DLG2: variants seen among roughly 807,000 people sequenced by gnomAD.
DLG2 encodes discs large MAGUK scaffold protein 2.
In DLG2, 45 loss-of-function variants were observed where a neutral mutation model predicts 132.5. The ratio of observed to expected loss-of-function variants is 0.34; its 90% CI spans 0.27 to 0.44. The LOEUF (loss-of-function observed/expected upper bound fraction) is 0.44. DLG2 is among the 20% of genes least tolerant of loss of function. The pLI, the probability that DLG2 is intolerant of heterozygous loss-of-function variation, is 1.00. For missense variants in DLG2, 1,045 were observed against 1,196.9 expected, an observed-to-expected ratio of 0.87 and a Z score of 1.87; for synonymous variants, 424 against 419.6, an observed-to-expected ratio of 1.01 and a Z score of -0.13.
At chr11:84,525,436 T>C (rs1565191885) in intron 7 of DLG2, among the ~76,000 whole-genome samples, 2 of 152,180 alleles carry the variant, frequency 1.3e-5, no homozygotes, top group Non-Finnish European at 2.9e-5. Flanking sequence ...TATTTCTCTC[T>C]CTTTTCTACC....
chr11:84,368,637 C>T (rs528114589), intron 7 of DLG2, among the ~76,000 whole-genome samples: 8 of 152,138 alleles, frequency 5.3e-5, no homozygotes, highest in East Asian at 3.9e-4. Context: ...TTATTAGTGG[C>T]AATGTAACAC....
At chr11:85,590,651 CTA>C (rs67069486) in intron 3 of DLG2, among the ~76,000 whole-genome samples, 33 of 148,728 alleles carry the variant, frequency 2.2e-4, no homozygotes, top group Admixed American at 4.0e-4. Flanking sequence ...CTCTCTCTCT[CTA>C]TATATATATA....
intron 8 of DLG2, among the ~76,000 whole-genome samples, chr11:84,184,495 A>G (rs12795782): frequency 7.9e-5 from 12 of 151,882 alleles, no homozygotes; most frequent in African/African-American, 2.2e-4. Context: ...AGTAGATTGC[A>G]AAAATTTTCT....
At chr11:83,602,844 T>G (rs1190968766) in intron 19 of DLG2, among the ~76,000 whole-genome samples, 1 of 151,910 alleles carries the variant, frequency 6.6e-6, no homozygotes. Context: ...TTATTCCAAT[T>G]TTACTTATTT....
intron 7 of DLG2, among the ~76,000 whole-genome samples, chr11:84,461,458 TTC>T (rs2099079974): frequency 6.6e-6 from 1 of 151,022 alleles, no homozygotes; most frequent in Non-Finnish European, 1.5e-5. Flanking sequence ...GAAAAATATG[TTC>T]TTTTTAAAAA....
intron 6 of DLG2, among the ~76,000 whole-genome samples, chr11:85,103,050 T>C (rs897705067): frequency 8.6e-5 from 13 of 152,020 alleles, no homozygotes; most frequent in African/African-American, 2.9e-4. Flanking sequence ...TATTTTGGAA[T>C]AAATTTAGCA....
intron 18 of DLG2, among the ~76,000 whole-genome samples, chr11:83,656,022 G>T (rs544327692): frequency 6.6e-6 from 1 of 152,310 alleles, no homozygotes; most frequent in South Asian, 2.1e-4. Context: ...GTGCCACAAA[G>T]GCACCCTGGT....
chr11:84,207,059 A>C (rs1597410579), intron 8 of DLG2, among the ~76,000 whole-genome samples: 1 of 145,512 alleles, frequency 6.9e-6, no homozygotes, highest in Non-Finnish European at 1.5e-5. Context: ...ATAAGAATAA[A>C]TCTCTCTCTC....
intron 3 of DLG2, among the ~76,000 whole-genome samples, chr11:85,388,563 A>G (rs2086539575): frequency 6.6e-6 from 1 of 152,138 alleles, no homozygotes; most frequent in Non-Finnish European, 1.5e-5. Context: ...GCACTTAAAA[A>G]AGACACAAGC....
chr11:85,175,991 A>G (rs1261641764), intron 4 of DLG2, among the ~76,000 whole-genome samples: 1 of 152,230 alleles, frequency 6.6e-6, no homozygotes, highest in East Asian at 1.9e-4. Flanking sequence ...AAAACATTCC[A>G]TGCTCATGGA....
chr11:83,724,793 C>T, intron 18 of DLG2: 1 of 700,326 alleles, frequency 1.4e-6, no homozygotes, highest in Non-Finnish European at 2.6e-6. Context: ...ATTTTACTGG[C>T]CACACCTCCC....
At chr11:83,915,394 T>C (rs2076758224) in intron 15 of DLG2, among the ~76,000 whole-genome samples, 1 of 152,140 alleles carries the variant, frequency 6.6e-6, no homozygotes, top group South Asian at 2.1e-4. Flanking sequence ...TAGGTTGAAA[T>C]CTCAGCTCTG....
intron 3 of DLG2, among the ~76,000 whole-genome samples, chr11:85,482,738 A>G (rs1460117426): frequency 1.3e-5 from 2 of 151,914 alleles, no homozygotes; most frequent in African/African-American, 4.8e-5. Flanking sequence ...CATGGACCCC[A>G]GCATCAGGCT....
At chr11:83,791,934 C>A (rs543653557) in intron 17 of DLG2, among the ~76,000 whole-genome samples, 25 of 152,294 alleles carry the variant, frequency 1.6e-4, no homozygotes, top group Middle Eastern at 3.4e-3. Flanking sequence ...ATTTCTCTTG[C>A]TCTCCTTACA....
intron 7 of DLG2, among the ~76,000 whole-genome samples, chr11:84,452,570 A>T (rs2099054605): frequency 6.6e-6 from 1 of 151,808 alleles, no homozygotes; most frequent in Non-Finnish European, 1.5e-5. Context: ...GAAAATTTTT[A>T]AAAAGTGGTT....
chr11:83,752,442 C>G (rs1440292004), intron 18 of DLG2, among the ~76,000 whole-genome samples: 1 of 152,074 alleles, frequency 6.6e-6, no homozygotes, highest in Non-Finnish European at 1.5e-5. Context: ...TCAAGTACTT[C>G]TAGGAGAAAG....
At chr11:83,682,997 C>T (rs1045667647) in intron 18 of DLG2, among the ~76,000 whole-genome samples, 2 of 152,112 alleles carry the variant, frequency 1.3e-5, no homozygotes, top group African/African-American at 2.4e-5. Flanking sequence ...TTCTATTCTA[C>T]CATGCTGCCT....
At chr11:83,637,272 G>A (rs1251740865) in intron 18 of DLG2, among the ~76,000 whole-genome samples, 10 of 152,076 alleles carry the variant, frequency 6.6e-5, no homozygotes, top group Non-Finnish European at 1.0e-4. Context: ...CTGTCCCTTT[G>A]GAACATTTTT....
chr11:83,702,897 G>A (rs2083209870), intron 18 of DLG2, among the ~76,000 whole-genome samples: 1 of 152,192 alleles, frequency 6.6e-6, no homozygotes, highest in African/African-American at 2.4e-5. Flanking sequence ...ATTAGTTAAG[G>A]AGGTGATGGG....
Sources: gnomAD v4.1 joint callset for allele counts (sites outside exome capture counted in the v4.1 genomes callset) on GRCh38, gnomAD v4.1.1 for gene constraint, MANE v1.5 for transcripts, NCBI Gene and HGNC (gene_info 2026-07-23, HGNC 2026-07-21) for gene names.